STAT4: variants seen among roughly 807,000 people sequenced by gnomAD.
STAT4 encodes signal transducer and activator of transcription 4.
A neutral mutation model predicts 110.5 loss-of-function variants in STAT4; 42 were observed. The ratio of observed to expected loss-of-function variants is 0.38; its 90% CI spans 0.30 to 0.49. The LOEUF is 0.49. Ranked by LOEUF, STAT4 falls within the 20% of genes least tolerant of loss-of-function variation. The probability of loss-of-function intolerance (pLI) is 0.95; values close to 1 mark genes in which losing one functional copy is unlikely to be tolerated. For missense variants in STAT4, 632 were observed against 887.9 expected (o/e 0.71, Z 3.66); for synonymous variants, 284 against 302.2 (o/e 0.94, Z 0.63).
At position 191,042,580 on chromosome 2, in the gene STAT4, G is replaced by A. The variant is rs1696236720; in HGVS notation, c.1252-1432C>T. 6.6e-6 allele frequency among the ~76,000 whole-genome samples: 1 copy of A among 152,148 alleles called. No individual in the cohort carries two copies. The highest frequency in any genetic ancestry group is 1.5e-5 in the Non-Finnish European group (1 of 68,020). On this transcript the variant is annotated intron_variant, in intron 14 of 23. Coordinates refer to ENST00000392320, the MANE Select transcript of STAT4 (RefSeq NM_003151.4). This position sits in a 1 kb window ranked among gnomAD's most constrained non-coding sequence, Gnocchi z 4.2. ...ATTATTATTTTGGTTTTTGTGATAA[G>A]TGTATTGTGGTTAGGTTTAAACATT...
chr2:191,049,167 CTTTTT>C (rs11410725), intron 14 of STAT4, among the ~76,000 whole-genome samples: 1 of 104,126 alleles, frequency 9.6e-6, no homozygotes, highest in South Asian at 3.2e-4. Context: ...ATGGTAATAG[CTTTTT>C]TTTTTTTTTT....
intron 3 of STAT4, among the ~76,000 whole-genome samples, chr2:191,128,670 G>A (rs184308545): frequency 1.3e-5 from 2 of 152,214 alleles, no homozygotes; most frequent in East Asian, 3.9e-4. Context: ...GTGGTTCAGA[G>A]AGTAGAATAT....
intron 3 of STAT4, among the ~76,000 whole-genome samples, chr2:191,096,799 G>A (rs553428492): frequency 6.6e-6 from 1 of 152,192 alleles, no homozygotes; most frequent in South Asian, 2.1e-4. Flanking sequence ...GAAATTAAGG[G>A]GATTCAATTA....
rs984738734 is a variant in STAT4, at chr2:191,104,585, T to C, written c.274-28260A>G. On this transcript the variant is annotated intron_variant, in intron 3 of 23. Coordinates refer to ENST00000392320, the MANE Select transcript of STAT4 (RefSeq NM_003151.4). This position sits in a 1 kb window ranked among gnomAD's most constrained non-coding sequence, Gnocchi z 4.3. Reference sequence around the variant, plus strand: ...TGAAGCTGAAATAAAATTGTCAACTTTTGATTTTGCTAAATAAGTATATAT... The same window carrying C: ...TGAAGCTGAAATAAAATTGTCAACTCTTGATTTTGCTAAATAAGTATATAT... Among the ~76,000 whole-genome samples the C allele has an allele frequency of 5.9e-5, 9 of 152,292 alleles. No homozygotes were observed. The highest frequency in any genetic ancestry group is 2.2e-4 in the African/African-American group (9 of 41,568).
Position 191,150,341 on chromosome 2 carries a change from T to C in STAT4, c.-2+606A>G, listed in dbSNP as rs1164620728. Among the ~76,000 whole-genome samples the C allele has an allele frequency of 1.3e-5, 2 of 152,184 alleles. No homozygotes were observed. The highest frequency in any genetic ancestry group is 3.9e-4 in the East Asian group (2 of 5,180). On this transcript the variant is annotated intron_variant, in intron 1 of 23. Transcript: ENST00000392320. This position sits in a 1 kb window ranked among gnomAD's most constrained non-coding sequence, Gnocchi z 6.4. The stretch of plus-strand genomic sequence containing the variant: ...CTTTCACTCTCTAGGGGCTACTTCT[T>C]TCTCATGAAAACTGTGACGTTGCTT...
intron 3 of STAT4, among the ~76,000 whole-genome samples, chr2:191,126,453 A>G (rs1055390528): frequency 1.3e-5 from 2 of 152,226 alleles, no homozygotes; most frequent in African/African-American, 4.8e-5. Context: ...AACAACCACC[A>G]TGATGCTCCT....
At chr2:191,097,514 T>C (rs1559066013) in intron 3 of STAT4, among the ~76,000 whole-genome samples, 1 of 152,066 alleles carries the variant, frequency 6.6e-6, no homozygotes, top group African/African-American at 2.4e-5. Flanking sequence ...AAACAAGAAA[T>C]GGGGAAAGGA....
intron 3 of STAT4, among the ~76,000 whole-genome samples, chr2:191,139,052 T>A (rs2125440164): frequency 6.6e-6 from 1 of 151,830 alleles, no homozygotes; most frequent in South Asian, 2.1e-4. Flanking sequence ...AAATCCAGCA[T>A]CCCTTTATGA....
In STAT4 at chr2:191,147,034, G is replaced by T. The variant is rs1267904749; in HGVS notation, c.129-277C>A. 1.3e-5 allele frequency among the ~76,000 whole-genome samples: 2 copies of T among 152,056 alleles called. No individual in the cohort carries two copies. Among genetic ancestry groups the T allele is most frequent in the African/African-American group, 4.8e-5 (2 of 41,410 alleles). The stretch of plus-strand genomic sequence containing the variant: ...AAATGAGTGTTGGTGAGGATACAGA[G>T]AAATTGTGCAATGCTGGTGGGAAGG... On this transcript the variant is annotated intron_variant, in intron 2 of 23. Transcript: ENST00000392320. The surrounding 1 kb of genome is among the most constrained non-coding windows in gnomAD (Gnocchi z 4.1).
At position 191,146,850 on chromosome 2, in the gene STAT4, C is replaced by T; in HGVS notation, c.129-93G>A. 8 of 1,225,826 alleles carry T rather than the reference C, an allele frequency of 6.5e-6. No individual in the cohort carries two copies. The South Asian group carries it at 1.8e-4, about 28-fold the overall frequency. 75.9% of individuals were successfully genotyped at this position (1,225,826 alleles called of 1,614,324 possible). The stretch of plus-strand genomic sequence containing the variant: ...TAACTTTAAAACAATAAACCTATTA[C>T]ATGGTGATAAGCATTTAAAAGTTTT... On this transcript the variant is annotated intron_variant, in intron 2 of 23. Transcript: ENST00000392320. The surrounding 1 kb of genome is among the most constrained non-coding windows in gnomAD (Gnocchi z 4.5).
Position 191,039,183 on chromosome 2 carries a change from T to C in STAT4, c.1434+16A>G. 2 of 1,610,966 alleles carry C rather than the reference T, an allele frequency of 1.2e-6. No homozygotes were observed. Among genetic ancestry groups the C allele is most frequent in the African/African-American group, 1.3e-5 (1 of 74,908 alleles). On this transcript the variant is annotated intron_variant, in intron 16 of 23. Transcript: ENST00000392320. The surrounding 1 kb of genome is among the most constrained non-coding windows in gnomAD (Gnocchi z 4.7). The stretch of plus-strand genomic sequence containing the variant: ...TCGAATAGCATTAAAGAAGTTGAGG[T>C]AGAAATAGAGTCTACCTGGGAATCG...
In STAT4 at chr2:191,033,448, A is replaced by G; in HGVS notation, c.1852+42T>C. On this transcript the variant is annotated intron_variant, in intron 20 of 23. Coordinates refer to ENST00000392320, the MANE Select transcript of STAT4 (RefSeq NM_003151.4). This position sits in a 1 kb window ranked among gnomAD's most constrained non-coding sequence, Gnocchi z 6.9. ...ACTGAAATCCCAGTAACCAAATTTA[A>G]GAAAACTAATTTCACATGAATAAAC... 3 of 1,581,958 alleles carry G rather than the reference A, an allele frequency of 1.9e-6. No individual in the cohort carries two copies. The South Asian group carries it at 3.5e-5, about 18-fold the overall frequency.
intron 8 of STAT4, among the ~76,000 whole-genome samples, chr2:191,063,459 G>C (rs1196045383): frequency 6.6e-6 from 1 of 152,114 alleles, no homozygotes; most frequent in Non-Finnish European, 1.5e-5. Context: ...AGAAATGCTT[G>C]CCTCTGATAA....
At position 191,077,230 on chromosome 2, in the gene STAT4, T is replaced by C. The variant is rs1697341104; in HGVS notation, c.274-905A>G. Among the ~76,000 whole-genome samples the C allele has an allele frequency of 6.6e-6, 1 of 152,224 alleles. No homozygotes were observed. Among genetic ancestry groups the C allele is most frequent in the Non-Finnish European group, 1.5e-5 (1 of 68,040 alleles). ...AGTTACTTGGTGCAAATTAAAATAC[T>C]GGAATCCCTTTGGAGAAAGTATGTA... On this transcript the variant is annotated intron_variant, in intron 3 of 23. Coordinates refer to ENST00000392320, the MANE Select transcript of STAT4 (RefSeq NM_003151.4). The surrounding 1 kb of genome is among the most constrained non-coding windows in gnomAD (Gnocchi z 4.1).
rs953312677 is a variant in STAT4 at position 191,050,978 on chromosome 2, T to A, written c.1251+3512A>T. 6.6e-6 allele frequency among the ~76,000 whole-genome samples: 1 copy of A among 152,192 alleles called. No individual in the cohort carries two copies. Among genetic ancestry groups the A allele is most frequent in the Non-Finnish European group, 1.5e-5 (1 of 68,042 alleles). On this transcript the variant is annotated intron_variant, in intron 14 of 23. Transcript: ENST00000392320. The surrounding 1 kb of genome is among the most constrained non-coding windows in gnomAD (Gnocchi z 4.3). The stretch of plus-strand genomic sequence containing the variant: ...TCCATTGTCAATCATTTAATAACTA[T>A]CTGATACAAAGTCTTACAACCAAAA...
At chr2:191,069,010 T>A (rs1417183274) in intron 6 of STAT4, among the ~76,000 whole-genome samples, 1 of 152,094 alleles carries the variant, frequency 6.6e-6, no homozygotes, top group African/African-American at 2.4e-5. Flanking sequence ...TTACTGAAAT[T>A]ATGTTTTTGG....
intron 5 of STAT4, among the ~76,000 whole-genome samples, chr2:191,072,076 T>C (rs764242435): frequency 5.3e-5 from 8 of 152,028 alleles, no homozygotes; most frequent in Non-Finnish European, 1.2e-4. Context: ...CTGTCAATAC[T>C]CAAAACAGTT....
intron 5 of STAT4, among the ~76,000 whole-genome samples, chr2:191,071,354 C>T (rs1264614270): frequency 1.3e-5 from 2 of 152,248 alleles, no homozygotes; most frequent in East Asian, 3.9e-4. Flanking sequence ...AGAACAAAGT[C>T]TCATGGAAGG....
chr2:191,092,448 T>G (rs1425874283), intron 3 of STAT4, among the ~76,000 whole-genome samples: 2 of 152,008 alleles, frequency 1.3e-5, no homozygotes, highest in Admixed American at 6.6e-5. Context: ...TTTCCAAATT[T>G]TACGTAACAG....
Sources: gnomAD v4.1 joint callset for allele counts (sites outside exome capture counted in the v4.1 genomes callset) on GRCh38, gnomAD v4.1.1 for gene constraint, Gnocchi (gnomAD v3.1) non-coding constraint, MANE v1.5 for transcripts, NCBI Gene and HGNC (gene_info 2026-07-23, HGNC 2026-07-21) for gene names.